PUDP: variants seen among roughly 807,000 people sequenced by gnomAD.
PUDP encodes pseudouridine 5'-phosphatase, also known as pseudouridine-5'-phosphatase.
PUDP carries 8 observed loss-of-function variants against 9.4 expected under a neutral mutation model. The observed-to-expected ratio is 0.85, with a 90% CI of 0.50 to 1.53. The LOEUF is 1.53. Among genes scored for constraint, PUDP ranks in the 40% most tolerant of loss-of-function variants. PUDP has a pLI of 0.00. For synonymous variants in PUDP, 99 were observed against 80.7 expected (o/e 1.23, Z -1.22); for missense variants, 188 against 189.7 (o/e 0.99, Z 0.05).
At chrX:7,104,923 C>A (rs1462455129) in intron 2 of PUDP, among the ~76,000 whole-genome samples, 1 of 111,928 alleles carries the variant, frequency 8.9e-6, no homozygotes, top group Non-Finnish European at 1.9e-5. Context: ...TCTCCCCTAG[C>A]ACCAGGAATT....
Position 7,034,144 on chromosome X carries a change from G to A in PUDP, c.204+43076C>T, listed in dbSNP as rs188149723. The stretch of plus-strand genomic sequence containing the variant: ...TGCTGGCTATGGGGTAGGGTAGGGT[G>A]GAAGAGAGAGATTTGGAATAAAGGG... On this transcript the variant is annotated intron_variant and NMD_transcript_variant, in intron 1 of 3. Transcript: ENST00000655425. Among the ~76,000 whole-genome samples the A allele has an allele frequency of 7.1e-5, 8 of 112,133 alleles. No individual in the cohort carries two copies. In the East Asian group the frequency reaches 2.2e-3, roughly 32 times the overall value.
chrX:7,034,010 C>T (rs138814705), intron 1 of PUDP, among the ~76,000 whole-genome samples: 32 of 112,110 alleles, frequency 2.9e-4, no homozygotes, highest in Middle Eastern at 4.6e-3. Flanking sequence ...AAGCCCTAAG[C>T]GATGACAGAT....
At chrX:6,949,455 T>C (rs10856418) in intron 3 of PUDP, among the ~76,000 whole-genome samples, 26,340 of 109,834 alleles carry the variant, frequency 0.24, 2,428 homozygotes, top group Admixed American at 0.37. Flanking sequence ...ACCACTAAAC[T>C]CCATGCTCCA....
At chrX:6,955,340 C>A (rs769126584) in intron 3 of PUDP, among the ~76,000 whole-genome samples, 1 of 110,717 alleles carries the variant, frequency 9.0e-6, no homozygotes, top group South Asian at 4.0e-4. Flanking sequence ...TCTACATTAG[C>A]CTCCCATGCA....
chrX:6,764,533 T>C (rs1925261872), intron 3 of PUDP, among the ~76,000 whole-genome samples: 2 of 112,076 alleles, frequency 1.8e-5, no homozygotes, highest in African/African-American at 6.5e-5. Context: ...GGTTTCTATG[T>C]ATTTTCCATG....
chrX:7,047,109 G>A (rs1255530020), downstream of PUDP, among the ~76,000 whole-genome samples: 1 of 112,081 alleles, frequency 8.9e-6, no homozygotes, highest in Non-Finnish European at 1.9e-5. Context: ...TAGGTCAAAA[G>A]ATGTACAGAA....
In PUDP at chrX:7,050,308, G is replaced by C. The variant is rs760680411; in HGVS notation, c.675C>G (p.Pro225=). 2.5e-6 allele frequency: 3 copies of C among 1,209,254 alleles called. No individual in the cohort carries two copies. Among genetic ancestry groups the C allele is most frequent in the Non-Finnish European group, 3.4e-6 (3 of 894,725 alleles). ...GAGGCCCTCCCTCTCACTCATAGGA[G>C]GGCAAACCAAACAGCTCGGGCTGGA... ...QDFQPELFGL[P]SYE The change falls in exon 4 of 4, where the codon CCC becomes CCG. Residue 225 remains proline (P), a synonymous_variant. Coordinates refer to ENST00000381077, the MANE Select transcript of PUDP (RefSeq NM_012080.5).
intron 1 of PUDP, among the ~76,000 whole-genome samples, chrX:7,121,547 G>T (rs1178656278): frequency 9.0e-6 from 1 of 111,567 alleles, no homozygotes; most frequent in African/African-American, 3.3e-5. Context: ...AATTATGGTG[G>T]AGGTGGGATT....
chrX:7,036,077 C>T (rs1030317257), intron 1 of PUDP, among the ~76,000 whole-genome samples: 8 of 112,167 alleles, frequency 7.1e-5, no homozygotes, highest in African/African-American at 2.6e-4. Flanking sequence ...CTGTGGCCAT[C>T]ACCAGACAAA....
In PUDP at chrX:6,909,522, T is replaced by C. The variant is rs146851420; in HGVS notation, c.*247+67611A>G. On this transcript the variant is annotated intron_variant and NMD_transcript_variant, in intron 3 of 3. Transcript: ENST00000655425. ...GCAGGTTGAAGCTGTCTGCCTGTCT[T>C]TGTAAATACAGCTTTTTTGGCACAT... 8.0e-4 allele frequency among the ~76,000 whole-genome samples: 90 copies of C among 112,274 alleles called. 3 individuals carry two copies. The highest frequency in any genetic ancestry group is 1.3e-3 in the Admixed American group (14 of 10,567).
chrX:6,947,716 C>A (rs1928489693), intron 3 of PUDP, among the ~76,000 whole-genome samples: 1 of 110,415 alleles, frequency 9.1e-6, no homozygotes, highest in Non-Finnish European at 1.9e-5. Context: ...CAGTTGAGCT[C>A]AGGAGTTCAA....
chrX:6,736,554 A>G lies in PUDP; in HGVS notation c.*248-30088T>C, dbSNP rs771159016. Among the ~76,000 whole-genome samples, 7 of 112,388 alleles carry G rather than the reference A, an allele frequency of 6.2e-5. No individual in the cohort carries two copies. The South Asian group carries it at 2.6e-3, about 42-fold the overall frequency. On this transcript the variant is annotated intron_variant and NMD_transcript_variant, in intron 3 of 3. Transcript: ENST00000655425. ...CTACCATAAAGACATATGCACACAT[A>G]TGTTCATTGCAGCGCAGTTCACAAT...
At chrX:6,859,054 T>C (rs1230456644) in intron 3 of PUDP, among the ~76,000 whole-genome samples, 1 of 111,599 alleles carries the variant, frequency 9.0e-6, no homozygotes, top group Non-Finnish European at 1.9e-5. Context: ...TCAGGAGATC[T>C]GATGGTTTTA....
At chrX:6,951,732 T>G (rs1334837562) in intron 3 of PUDP, among the ~76,000 whole-genome samples, 3 of 112,339 alleles carry the variant, frequency 2.7e-5, no homozygotes, top group Non-Finnish European at 5.6e-5. Context: ...GGCTTACAAC[T>G]GCAGCTGATG....
At position 7,006,198 on chromosome X, in the gene PUDP, G is replaced by T. The variant is rs1929400021; in HGVS notation, c.205-27855C>A. ...TCAATTATTTTGGGTTTATACACAG[G>T]AGTGGAATGGCCAAGTCATACAGTA... On this transcript the variant is annotated intron_variant and NMD_transcript_variant, in intron 1 of 3. Coordinates refer to the PUDP transcript ENST00000655425. Among the ~76,000 whole-genome samples the T allele has an allele frequency of 2.7e-5, 3 of 111,921 alleles. 1 individual carries two copies. In the South Asian group the frequency reaches 1.1e-3, roughly 42 times the overall value.
rs1390021612 is a variant in PUDP, at chrX:6,802,933, TAATAA to T, written c.*248-96472_*248-96468del. 1.2e-3 allele frequency among the ~76,000 whole-genome samples: 4 copies of T among 3,222 alleles called. 1 individual carries two copies. The highest frequency in any genetic ancestry group is 2.1e-3 in the Non-Finnish European group (4 of 1,929). 2.8% of individuals were successfully genotyped at this position (3,222 alleles called of 115,157 possible). A position where few individuals can be genotyped will look rare whatever the true frequency, so the allele number is the denominator to read the frequency against. On this transcript the variant is annotated intron_variant and NMD_transcript_variant, in intron 3 of 3. Coordinates refer to the PUDP transcript ENST00000655425. The stretch of plus-strand genomic sequence containing the variant: ...TAACATAACATAACATAACATAAAA[TAATAA>T]AATAAAATAAAATAAAATAAAATAA...
At chrX:6,752,778 G>A (rs778838057) in intron 3 of PUDP, among the ~76,000 whole-genome samples, 35 of 111,474 alleles carry the variant, frequency 3.1e-4, no homozygotes, top group Non-Finnish European at 5.7e-4. Flanking sequence ...CTAGGAAGAA[G>A]AGGGAAAAGA....
At chrX:7,112,564 C>T (rs1932082197) in intron 1 of PUDP, among the ~76,000 whole-genome samples, 1 of 112,107 alleles carries the variant, frequency 8.9e-6, no homozygotes, top group African/African-American at 3.2e-5. Context: ...TAGGCTAGTT[C>T]CTTAAAGACA....
intron 3 of PUDP, among the ~76,000 whole-genome samples, chrX:6,870,146 G>A (rs900917157): frequency 3.6e-5 from 4 of 111,913 alleles, no homozygotes; most frequent in South Asian, 3.7e-4. Context: ...CATGCTTAGC[G>A]AAATAAGCTA....
Sources: gnomAD v4.1 joint callset for allele counts (sites outside exome capture counted in the v4.1 genomes callset) on GRCh38, gnomAD v4.1.1 for gene constraint, MANE v1.5 for transcripts, NCBI Gene and HGNC (gene_info 2026-07-23, HGNC 2026-07-21) for gene names.